PDXDC1: variants seen among roughly 807,000 people sequenced by gnomAD.
PDXDC1 encodes the protein pyridoxal dependent decarboxylase domain containing 1.
PDXDC1 carries 42 observed loss-of-function variants against 100.1 expected under a neutral mutation model. The ratio of observed to expected loss-of-function variants is 0.42; its 90% CI spans 0.33 to 0.54. The LOEUF (loss-of-function observed/expected upper bound fraction) is 0.54. Among genes scored for constraint, PDXDC1 ranks in the 20% least tolerant of loss-of-function variants. PDXDC1 has a pLI of 0.10. For missense variants in PDXDC1, 636 were observed against 979.2 expected, an observed-to-expected ratio of 0.65 and a Z score of 4.68; for synonymous variants, 260 against 371.7, an observed-to-expected ratio of 0.70 and a Z score of 3.46.
At chr16:15,004,979 T>C (rs1973944865) in intron 5 of PDXDC1, among the ~76,000 whole-genome samples, 1 of 152,298 alleles carries the variant, frequency 6.6e-6, no homozygotes, top group South Asian at 2.1e-4. Context: ...TTTTTACTCA[T>C]GCTTGGTTGA....
At chr16:14,988,122 C>T (rs1223363944) in intron 1 of PDXDC1, 20 of 1,279,254 alleles carry the variant, frequency 1.6e-5, no homozygotes, top group South Asian at 7.5e-5. Flanking sequence ...TATCCACACT[C>T]GCTTCTGCGT....
chr16:15,142,981 A>G (rs2457527), downstream of PDXDC1, among the ~76,000 whole-genome samples: 1 of 152,118 alleles, frequency 6.6e-6, no homozygotes, highest in Admixed American at 6.5e-5. Flanking sequence ...TTCCTGCTAT[A>G]AGCTGGAAGG....
At chr16:15,022,482 A>G (rs2042279108) in intron 12 of PDXDC1, among the ~76,000 whole-genome samples, 1 of 152,298 alleles carries the variant, frequency 6.6e-6, no homozygotes, top group African/African-American at 2.4e-5. Context: ...TCCATGTCTT[A>G]TTAGAAACTG....
intron 16 of PDXDC1, among the ~76,000 whole-genome samples, chr16:15,075,435 C>G (rs1409089964): frequency 6.6e-6 from 1 of 151,278 alleles, no homozygotes; most frequent in Non-Finnish European, 1.5e-5. Flanking sequence ...TAGCTGGGTG[C>G]GGTGGTACAC....
At chr16:15,048,438 T>C (rs1473163885) in intron 16 of PDXDC1, among the ~76,000 whole-genome samples, 1 of 152,210 alleles carries the variant, frequency 6.6e-6, no homozygotes, top group Non-Finnish European at 1.5e-5. Context: ...CAGGCTGGTC[T>C]TGAACTCCTG....
chr16:14,984,495 A>ATATATTTT (rs1555542734), intron 1 of PDXDC1, among the ~76,000 whole-genome samples: 5 of 73,486 alleles, frequency 6.8e-5, no homozygotes, highest in Non-Finnish European at 7.2e-5. Context: ...ATATATATAT[A>ATATATTTT]TTTTTTTTTT....
In PDXDC1 at chr16:15,072,974, C is replaced by G; in HGVS notation, c.1399+42918C>G. Reference sequence around the variant, plus strand: ...CCAATTTGAAACTACAGAGGTAAAACATGAAAAACTGTACATGGCAGGAGG... The same window carrying G: ...CCAATTTGAAACTACAGAGGTAAAAGATGAAAAACTGTACATGGCAGGAGG... On this transcript the variant is annotated intron_variant, in intron 16 of 16. Coordinates refer to the PDXDC1 transcript ENST00000535621. 2.5e-6 allele frequency: 4 copies of G among 1,613,508 alleles called. No homozygotes were observed. In the African/African-American group the frequency reaches 5.3e-5, roughly 22 times the overall value.
the PDXDC1 span, among the ~76,000 whole-genome samples, chr16:15,145,627 T>TGTAG: frequency 6.6e-6 from 1 of 152,234 alleles, no homozygotes; most frequent in South Asian, 2.1e-4. Flanking sequence ...CAGCCCCAGA[T>TGTAG]GTAGCCCTTC....
At chr16:15,132,796 C>T (rs1193951706) in intron 16 of PDXDC1, 41 of 1,266,668 alleles carry the variant, frequency 3.2e-5, no homozygotes, top group Middle Eastern at 2.6e-4. Flanking sequence ...CCAGAGTCTC[C>T]GTGATGTTCT....
downstream of PDXDC1, among the ~76,000 whole-genome samples, chr16:15,039,314 AAC>A (rs1165131833): frequency 1.3e-5 from 2 of 152,212 alleles, no homozygotes; most frequent in Non-Finnish European, 2.9e-5. Flanking sequence ...TCCGAATCCA[AAC>A]ACATTTCCCA....
At chr16:15,071,839 G>T (rs757230649) in intron 16 of PDXDC1, among the ~76,000 whole-genome samples, 4 of 152,194 alleles carry the variant, frequency 2.6e-5, no homozygotes, top group Non-Finnish European at 1.5e-5. Context: ...TTGTGACAGG[G>T]CTTTGGAATC....
At chr16:15,026,480 A>G in intron 13 of PDXDC1, 163 bp from the exon 14 acceptor site, 3 of 648,018 alleles carry the variant, frequency 4.6e-6, no homozygotes, top group Middle Eastern at 2.9e-4. Context: ...AAATTTTACT[A>G]AACATTTGAT....
Position 15,037,746 on chromosome 16 carries a change from C to A in PDXDC1, c.*1471C>A. On this transcript the variant is annotated 3_prime_UTR_variant, in exon 23 of 23. Coordinates refer to ENST00000396410, the MANE Select transcript of PDXDC1 (RefSeq NM_015027.4). Reference sequence around the variant, plus strand: ...AGACTTACCCACGTACCTGAAATAGCTGCCGATAGACCAGTGAGAGGTAGG... The same window carrying A: ...AGACTTACCCACGTACCTGAAATAGATGCCGATAGACCAGTGAGAGGTAGG... 3.5e-6 allele frequency: 1 copy of A among 289,464 alleles called. No individual in the cohort carries two copies. Among genetic ancestry groups the A allele is most frequent in the Non-Finnish European group, 6.3e-6 (1 of 158,042 alleles). 17.9% of individuals were successfully genotyped at this position (289,464 alleles called of 1,614,324 possible).
At chr16:15,074,922 G>A (rs778011200) in intron 16 of PDXDC1, 2 of 1,485,886 alleles carry the variant, frequency 1.3e-6, no homozygotes, top group East Asian at 2.3e-5. Flanking sequence ...GGTTTAGTAG[G>A]AAAACTGTCA....
intron 1 of PDXDC1, among the ~76,000 whole-genome samples, chr16:14,984,489 ATATATATT>A (rs1968832552): frequency 3.4e-5 from 3 of 87,628 alleles, no homozygotes; most frequent in African/African-American, 8.0e-5. Context: ...ATATATATAT[ATATATATT>A]TTTTTTTTTT....
intron 8 of PDXDC1, among the ~76,000 whole-genome samples, chr16:15,012,197 G>A (rs1327958034): frequency 1.3e-5 from 2 of 151,996 alleles, no homozygotes; most frequent in African/African-American, 2.4e-5. Flanking sequence ...TCTGCCTCCC[G>A]GGTTCCAGTG....
intron 1 of PDXDC1, among the ~76,000 whole-genome samples, chr16:14,986,887 C>T (rs1969501769): frequency 6.6e-6 from 1 of 152,284 alleles, no homozygotes; most frequent in Non-Finnish European, 1.5e-5. Flanking sequence ...GCTGGGACTA[C>T]AGGCGCACAC....
At chr16:15,029,253 C>A in intron 15 of PDXDC1, 1 of 596,792 alleles carries the variant, frequency 1.7e-6, no homozygotes, top group South Asian at 2.1e-5. Context: ...GCGGTGGGTT[C>A]TGGTGAGCCT....
chr16:15,021,419 A>G (rs1362021493), intron 12 of PDXDC1, among the ~76,000 whole-genome samples: 1 of 152,280 alleles, frequency 6.6e-6, no homozygotes, highest in Non-Finnish European at 1.5e-5. Context: ...GATGCTCATT[A>G]TGTTTACAAA....
Sources: allele counts gnomAD v4.1 joint callset (sites outside exome capture counted in the v4.1 genomes callset), GRCh38; gene constraint gnomAD v4.1.1; transcripts MANE v1.5; gene names NCBI Gene and HGNC (gene_info 2026-07-23, HGNC 2026-07-21).